ADD3: variants seen among roughly 807,000 people sequenced by gnomAD.
The protein encoded by ADD3 is gamma-adducin.
In ADD3, 25 loss-of-function variants were observed where a neutral mutation model predicts 80.2. The observed-to-expected ratio is 0.31, with a 90% confidence interval of 0.23 to 0.44. The LOEUF (loss-of-function observed/expected upper bound fraction) is 0.44, where lower values mean the gene tolerates loss of function less well. Among genes scored for constraint, ADD3 ranks in the 20% least tolerant of loss-of-function variants. ADD3 has a pLI of 1.00. For missense variants in ADD3, 829 were observed against 847.5 expected (o/e 0.98, Z 0.27); for synonymous variants, 284 against 289.6 (o/e 0.98, Z 0.20).
chr10:110,067,881 GT>G (rs899117630), intron 1 of ADD3, among the ~76,000 whole-genome samples: 1 of 151,560 alleles, frequency 6.6e-6, no homozygotes, highest in Non-Finnish European at 1.5e-5. Flanking sequence ...GATTTGCTTT[GT>G]TTTTTTCATA....
At chr10:110,037,626 T>C (rs1053508140) in intron 1 of ADD3, among the ~76,000 whole-genome samples, 1 of 149,222 alleles carries the variant, frequency 6.7e-6, no homozygotes, top group Non-Finnish European at 1.5e-5. Flanking sequence ...AAAAAAAAAG[T>C]TAACTATATA....
chr10:110,098,935 G>A (rs1413848237), intron 1 of ADD3, among the ~76,000 whole-genome samples: 1 of 151,862 alleles, frequency 6.6e-6, no homozygotes, highest in Non-Finnish European at 1.5e-5. Flanking sequence ...CCTGAATACA[G>A]AAACTTTTTT....
chr10:110,114,226 G>A (rs973298114), intron 3 of ADD3, among the ~76,000 whole-genome samples: 1 of 152,196 alleles, frequency 6.6e-6, no homozygotes, highest in East Asian at 1.9e-4. Context: ...GGAAGTTAAA[G>A]TTGGAAGGTT....
chr10:110,092,290 A>G (rs544709340), intron 1 of ADD3, among the ~76,000 whole-genome samples: 6 of 152,336 alleles, frequency 3.9e-5, no homozygotes, highest in African/African-American at 9.6e-5. Context: ...AGCACTATCC[A>G]CAATAGCAAA....
intron 5 of ADD3, 60 bp downstream of exon 5, chr10:110,117,482 C>A (rs971697148): frequency 1.9e-6 from 2 of 1,030,030 alleles, no homozygotes; most frequent in Non-Finnish European, 3.1e-6. Flanking sequence ...TCTGACAGTT[C>A]TTAGCTTTTA....
chr10:110,011,055 A>G (rs368791722), intron 1 of ADD3, among the ~76,000 whole-genome samples: 81 of 151,550 alleles, frequency 5.3e-4, no homozygotes, highest in African/African-American at 1.9e-3. Context: ...AGAGTGTGCT[A>G]TCTTTCTAAT....
chr10:110,094,695 A>G (rs1278260113), intron 1 of ADD3, among the ~76,000 whole-genome samples: 1 of 152,218 alleles, frequency 6.6e-6, no homozygotes, highest in Non-Finnish European at 1.5e-5. Flanking sequence ...AGAACTTAAA[A>G]TGAAGAAAAT....
chr10:110,119,594 G>A (rs1851198730), intron 8 of ADD3, 30 bp downstream of exon 8: 1 of 1,569,584 alleles, frequency 6.4e-7, no homozygotes, highest in East Asian at 2.2e-5. Flanking sequence ...TTTTTTAATT[G>A]CTTTGTTATT....
At chr10:110,064,346 C>T (rs1843643316) in intron 1 of ADD3, among the ~76,000 whole-genome samples, 1 of 152,202 alleles carries the variant, frequency 6.6e-6, no homozygotes, top group Admixed American at 6.5e-5. Flanking sequence ...TACTAATTGA[C>T]ATACCAACTC....
intron 1 of ADD3, among the ~76,000 whole-genome samples, chr10:110,000,309 G>A (rs1008675859): frequency 2.1e-4 from 32 of 152,220 alleles, no homozygotes; most frequent in African/African-American, 7.2e-4. Flanking sequence ...TAAATAATAA[G>A]ATGATTTATA....
At chr10:110,080,434 T>G (rs1845938752) in intron 1 of ADD3, among the ~76,000 whole-genome samples, 1 of 152,266 alleles carries the variant, frequency 6.6e-6, no homozygotes. Flanking sequence ...ATATATTGTG[T>G]GGTCTGTAAT....
In ADD3 at chr10:110,121,999, G is replaced by A. The variant is rs368418149; in HGVS notation, c.961-111G>A. 5.0e-5 allele frequency: 43 copies of A among 868,146 alleles called. 1 individual carries two copies. The highest frequency in any genetic ancestry group is 2.7e-4 in the African/African-American group (16 of 58,890). 53.8% of individuals were successfully genotyped at this position (868,146 alleles called of 1,614,324 possible). A position where few individuals can be genotyped will look rare whatever the true frequency, so the allele number is the denominator to read the frequency against. On this transcript the variant is annotated intron_variant, in intron 8 of 14. Coordinates refer to ENST00000356080, the MANE Select transcript of ADD3 (RefSeq NM_016824.5). ...ATCTTGTCTTTGTTGTTAGTAGCCT[G>A]AGCAAGTATTATAGATATTTGCCAA...
chr10:110,130,855 C>CAA (rs1256813480), intron 13 of ADD3, among the ~76,000 whole-genome samples: 8 of 90,102 alleles, frequency 8.9e-5, no homozygotes, highest in African/African-American at 2.0e-4. Context: ...GACTCCGTCT[C>CAA]AAAAAAAAAA....
chr10:110,027,980 A>G (rs1854511315), intron 1 of ADD3, among the ~76,000 whole-genome samples: 1 of 152,204 alleles, frequency 6.6e-6, no homozygotes, highest in South Asian at 2.1e-4. Flanking sequence ...AAGTTGGGAC[A>G]GGTTTTGACT....
chr10:110,001,553 C>T (rs1851486045), upstream of ADD3, among the ~76,000 whole-genome samples: 1 of 152,168 alleles, frequency 6.6e-6, no homozygotes, highest in Non-Finnish European at 1.5e-5. Context: ...CCGCATTTCA[C>T]TCATGTCTGA....
chr10:110,039,779 T>C (rs1209713704), intron 1 of ADD3, among the ~76,000 whole-genome samples: 1 of 152,206 alleles, frequency 6.6e-6, no homozygotes, highest in East Asian at 1.9e-4. Flanking sequence ...ATTTCAAGGC[T>C]TGACTGAGGC....
At chr10:110,042,972 A>C (rs1856541073) in intron 1 of ADD3, among the ~76,000 whole-genome samples, 1 of 152,162 alleles carries the variant, frequency 6.6e-6, no homozygotes, top group Non-Finnish European at 1.5e-5. Context: ...CATATTTAAT[A>C]TTTTTAAATA....
At chr10:110,032,367 A>G (rs554970274) in intron 1 of ADD3, among the ~76,000 whole-genome samples, 1 of 152,320 alleles carries the variant, frequency 6.6e-6, no homozygotes, top group Admixed American at 6.5e-5. Context: ...TGGATCCTGC[A>G]TTCACTCATC....
intron 1 of ADD3, among the ~76,000 whole-genome samples, chr10:110,032,726 A>C (rs1855192680): frequency 1.3e-5 from 2 of 152,208 alleles, no homozygotes. Flanking sequence ...CTATTCTATT[A>C]ATACTTCTCT....
Sources: allele counts gnomAD v4.1 joint callset (sites outside exome capture counted in the v4.1 genomes callset), GRCh38; gene constraint gnomAD v4.1.1; transcripts MANE v1.5; gene names NCBI Gene and HGNC (gene_info 2026-07-23, HGNC 2026-07-21).